STKLD1: variants seen among roughly 807,000 people sequenced by gnomAD.
The protein encoded by STKLD1 is serine/threonine kinase like domain containing 1.
A neutral mutation model predicts 80.4 loss-of-function variants in STKLD1; 79 were observed. That is an observed-to-expected ratio of 0.98 (90% CI 0.82 to 1.19). The LOEUF (loss-of-function observed/expected upper bound fraction) is 1.19, where lower values mean the gene tolerates loss of function less well. STKLD1 is among the 50% of genes most tolerant of loss of function. The pLI, the probability that STKLD1 is intolerant of heterozygous loss-of-function variation, is 0.00. For synonymous variants in STKLD1, 393 were observed against 357.6 expected, an observed-to-expected ratio of 1.10 and a Z score of -1.12; for missense variants, 841 against 856.0, an observed-to-expected ratio of 0.98 and a Z score of 0.22.
At chr9:133,402,752 C>T (rs587646394) in intron 13 of STKLD1, 126 bp from the exon 14 acceptor site, 108 of 1,079,050 alleles carry the variant, frequency 1.0e-4, no homozygotes, top group South Asian at 9.1e-4. Context: ...TGAGTGCACA[C>T]GACTTGGCCC....
Position 133,403,808 on chromosome 9 carries a change from T to C in STKLD1, c.1583T>C (p.Phe528Ser). 6.2e-7 allele frequency: 1 copy of C among 1,613,596 alleles called. No homozygotes were observed. The highest frequency in any genetic ancestry group is 1.3e-5 in the African/African-American group (1 of 75,060). ...GEMAEASCGV[F>S]WLLSLLGCIK... is the part of the protein sequence containing the mutation. The stretch of plus-strand genomic sequence containing the variant: ...ATGGCAGAAGCCAGCTGCGGAGTCT[T>C]CTGGCTGCTGTCCCTGCTGGGTGAG... The change falls in exon 15 of 18, where the codon TTC becomes TCC. Residue 528 changes from phenylalanine (F) to serine (S), a missense_variant. Transcript: ENST00000371957.
intron 11 of STKLD1, among the ~76,000 whole-genome samples, chr9:133,398,788 A>G (rs1270121723): frequency 6.6e-6 from 1 of 152,232 alleles, no homozygotes; most frequent in Non-Finnish European, 1.5e-5. Flanking sequence ...AACCAAACCC[A>G]AAAAGATTGT....
At chr9:133,383,243 GTGA>G (rs1327378843) in intron 2 of STKLD1, among the ~76,000 whole-genome samples, 1 of 139,238 alleles carries the variant, frequency 7.2e-6, no homozygotes, top group East Asian at 2.2e-4. Flanking sequence ...AGTGATGATG[GTGA>G]TGGTGGTGGT....
At position 133,384,305 on chromosome 9, in the gene STKLD1, G is replaced by T. The variant is rs2130272448; in HGVS notation, c.219+405G>T. 1.8e-4 allele frequency: 33 copies of T among 180,626 alleles called. No homozygotes were observed. Among genetic ancestry groups the T allele is most frequent in the Non-Finnish European group, 3.2e-4 (27 of 83,968 alleles). 11.2% of individuals were successfully genotyped at this position (180,626 alleles called of 1,614,324 possible). On this transcript the variant is annotated intron_variant, in intron 3 of 17. Transcript: ENST00000371957. This position sits in a 1 kb window ranked among gnomAD's most constrained non-coding sequence, Gnocchi z 4.3. ...AATACAAAAAAATTAGCTGGGCATG[G>T]TGGTGGGCACCTGTAATCCCAGCTA...
chr9:133,390,195 ACACACACACAC>A lies in STKLD1; in HGVS notation c.468-485_468-475del, dbSNP rs1481211870. 3.8e-3 allele frequency among the ~76,000 whole-genome samples: 1 copy of A among 260 alleles called. No individual in the cohort carries two copies. The highest frequency in any genetic ancestry group is 0.05 in the Admixed American group (1 of 20). The allele number at this position is 260 out of a possible 152,430, so 0.2% of individuals were successfully genotyped here. A position where few individuals can be genotyped will look rare whatever the true frequency, so the allele number is the denominator to read the frequency against. On this transcript the variant is annotated intron_variant, in intron 6 of 17. Coordinates refer to ENST00000371957, the MANE Select transcript of STKLD1 (RefSeq NM_153710.5). This position sits in a 1 kb window ranked among gnomAD's most constrained non-coding sequence, Gnocchi z 5.1. ...TCAGCCTGGGCAACCCTGACTTAAA[ACACACACACAC>A]ACACACACACACACACACACACACA... is the stretch of plus-strand genomic sequence containing the variant.
In STKLD1 at chr9:133,381,289, G is replaced by C. The variant is rs1295526616; in HGVS notation, c.174+2167G>C. Among the ~76,000 whole-genome samples the C allele has an allele frequency of 3.3e-5, 5 of 151,588 alleles. No individual in the cohort carries two copies. The East Asian group carries it at 9.7e-4, about 30-fold the overall frequency. On this transcript the variant is annotated intron_variant, in intron 2 of 17. Transcript: ENST00000371957. ...TGAGTGGCTGGGATTACAGGCACGT[G>C]CCACCACATCCAGCTAATTTTGTAT...
rs2130287437 is a variant in STKLD1, at chr9:133,390,800, G to A, written c.583+4G>A. On this transcript the variant is annotated splice_donor_region_variant and intron_variant, in intron 7 of 17. Coordinates refer to ENST00000371957, the MANE Select transcript of STKLD1 (RefSeq NM_153710.5). The surrounding 1 kb of genome is among the most constrained non-coding windows in gnomAD (Gnocchi z 5.1). ...TGGAATATTCGTGCGGAGGAAGGTG[G>A]CAGGGGCTCCCCCAGGTTGTGGGAG... is the stretch of plus-strand genomic sequence containing the variant. 3 of 1,611,070 alleles carry A rather than the reference G, an allele frequency of 1.9e-6. No homozygotes were observed. In the South Asian group the frequency reaches 3.3e-5, roughly 18 times the overall value.
Position 133,390,837 on chromosome 9 carries a change from G to A in STKLD1, c.583+41G>A, listed in dbSNP as rs2130287658. ...CCAGGTTGTGGGAGAGGGGGTTGGC[G>A]CCTAGAATCCAGGCGGCGTTGGCCA... On this transcript the variant is annotated intron_variant, in intron 7 of 17. Coordinates refer to ENST00000371957, the MANE Select transcript of STKLD1 (RefSeq NM_153710.5). The surrounding 1 kb of genome is among the most constrained non-coding windows in gnomAD (Gnocchi z 5.1). The A allele has an allele frequency of 4.5e-5, 70 of 1,545,656 alleles. No individual in the cohort carries two copies. Among genetic ancestry groups the A allele is most frequent in the Middle Eastern group, 1.7e-4 (1 of 5,956 alleles).
rs1015162070 is a variant in STKLD1 at position 133,390,856 on chromosome 9, T to A, written c.583+60T>A. On this transcript the variant is annotated intron_variant, in intron 7 of 17. Coordinates refer to ENST00000371957, the MANE Select transcript of STKLD1 (RefSeq NM_153710.5). The surrounding 1 kb of genome is among the most constrained non-coding windows in gnomAD (Gnocchi z 5.1). Reference sequence around the variant, plus strand: ...GTTGGCGCCTAGAATCCAGGCGGCGTTGGCCACTCTGGGTGCTGGAGTGAG... The same window carrying A: ...GTTGGCGCCTAGAATCCAGGCGGCGATGGCCACTCTGGGTGCTGGAGTGAG... 7.8e-5 allele frequency: 104 copies of A among 1,337,732 alleles called. No homozygotes were observed. The highest frequency in any genetic ancestry group is 1.1e-4 in the Non-Finnish European group (101 of 930,496). The allele number at this position is 1,337,732 out of a possible 1,614,324, so 82.9% of individuals were successfully genotyped here.
In STKLD1 at chr9:133,403,628, T is replaced by C. The variant is rs1838764879; in HGVS notation, c.1475-72T>C. 3.2e-6 allele frequency: 5 copies of C among 1,546,568 alleles called. No individual in the cohort carries two copies. The African/African-American group carries it at 4.1e-5, about 13-fold the overall frequency. ...TCGTTAGCTGGAGGAAGGCAGCAGA[T>C]GGGGGATGGGAAGGCCCCCCTGCAC... On this transcript the variant is annotated intron_variant, in intron 14 of 17. Coordinates refer to ENST00000371957, the MANE Select transcript of STKLD1 (RefSeq NM_153710.5).
intron 12 of STKLD1, 83 bp downstream of exon 12, chr9:133,400,612 C>A (rs888300603): frequency 1.7e-6 from 2 of 1,179,534 alleles, no homozygotes; most frequent in East Asian, 2.3e-5. Flanking sequence ...AAGGTGGGCA[C>A]CGGGCCGGGT....
chr9:133,389,342 C>G lies in STKLD1; in HGVS notation c.397-184C>G. 3 of 985,346 alleles carry G rather than the reference C, an allele frequency of 3.0e-6. No individual in the cohort carries two copies. The highest frequency in any genetic ancestry group is 3.6e-6 in the Non-Finnish European group (3 of 829,912). The allele number at this position is 985,346 out of a possible 1,614,324, so 61.0% of individuals were successfully genotyped here. ...AGAGTCCTTCTGGCTGCCGCCGCGG[C>G]TTTACCATCTGGAGAGCCACCACGC... On this transcript the variant is annotated intron_variant, in intron 5 of 17. Coordinates refer to ENST00000371957, the MANE Select transcript of STKLD1 (RefSeq NM_153710.5). The surrounding 1 kb of genome is among the most constrained non-coding windows in gnomAD (Gnocchi z 6.4).
intron 7 of STKLD1, among the ~76,000 whole-genome samples, chr9:133,392,472 T>A (rs1838422518): frequency 7.0e-6 from 1 of 143,508 alleles, no homozygotes; most frequent in Non-Finnish European, 1.5e-5. Flanking sequence ...GGATGATGGG[T>A]GGGTGAGTGG....
At position 133,399,201 on chromosome 9, in the gene STKLD1, A is replaced by G. The variant is rs111246971; in HGVS notation, c.1081+1146A>G. On this transcript the variant is annotated intron_variant, in intron 11 of 17. Transcript: ENST00000371957. ...AAACATGCTTTCATAAAATCTTTCC[A>G]TTCAACCTTTTTCACCTGCCTGAAC... Among the ~76,000 whole-genome samples, 7 of 152,270 alleles carry G rather than the reference A, an allele frequency of 4.6e-5. 1 individual carries two copies. Among genetic ancestry groups the G allele is most frequent in the African/African-American group, 1.4e-4 (6 of 41,564 alleles).
chr9:133,385,481 T>C lies in STKLD1; in HGVS notation c.220-136T>C. Reference sequence around the variant, plus strand: ...GCCTGGCTCCCAACCACCGTGCAGCTTCCCTGAGCCCACTCCCTGGCCCAG... The same window carrying C: ...GCCTGGCTCCCAACCACCGTGCAGCCTCCCTGAGCCCACTCCCTGGCCCAG... On this transcript the variant is annotated intron_variant, in intron 3 of 17. Coordinates refer to ENST00000371957, the MANE Select transcript of STKLD1 (RefSeq NM_153710.5). This position sits in a 1 kb window ranked among gnomAD's most constrained non-coding sequence, Gnocchi z 4.9. 1 of 803,170 alleles carries C rather than the reference T, an allele frequency of 1.2e-6. No individual in the cohort carries two copies. Among genetic ancestry groups the C allele is most frequent in the Non-Finnish European group, 2.0e-6 (1 of 494,776 alleles). The allele number at this position is 803,170 out of a possible 1,614,324, so 49.8% of individuals were successfully genotyped here. A position where few individuals can be genotyped will look rare whatever the true frequency, so the allele number is the denominator to read the frequency against.
At chr9:133,383,034 GTGA>G (rs1354798854) in intron 2 of STKLD1, among the ~76,000 whole-genome samples, 4 of 150,688 alleles carry the variant, frequency 2.7e-5, no homozygotes, top group African/African-American at 9.8e-5. Context: ...GATGAGGTTG[GTGA>G]TGATGGGGAT....
chr9:133,376,506 C>CA lies in STKLD1; in HGVS notation c.34dup (p.Thr12AsnfsTer53). 2 of 1,599,600 alleles carry CA rather than the reference C, an allele frequency of 1.3e-6. No homozygotes were observed. Among genetic ancestry groups the CA allele is most frequent in the Non-Finnish European group, 1.7e-6 (2 of 1,174,910 alleles). The stretch of plus-strand genomic sequence containing the variant: ...GGCCAGGGTCCAATCGCAGGCGCCC[C>CA]ACGCAGGGGGAGCGAGGCCCAGGGT... On this transcript the variant is annotated frameshift_variant, in exon 1 of 18. Coordinates refer to ENST00000371957, the MANE Select transcript of STKLD1 (RefSeq NM_153710.5). LOFTEE classifies it high-confidence loss of function.
Position 133,398,050 on chromosome 9 carries a change from A to C in STKLD1, c.1076A>C (p.Gln359Pro). Residue 359 changes from glutamine (Q) to proline (P), a missense_variant, in exon 11 of 18, where the codon CAG (glutamine) becomes CCG (proline). Gln to Pro is a moderately conservative substitution (Grantham distance 76, BLOSUM62 -1). Coordinates refer to ENST00000371957, the MANE Select transcript of STKLD1 (RefSeq NM_153710.5). Reference sequence around the variant, plus strand: ...AGGCTTCTGAAAATGCCTGCAGATCAGCTAGGTAGGCCCCACCCTGCACCC... The same window carrying C: ...AGGCTTCTGAAAATGCCTGCAGATCCGCTAGGTAGGCCCCACCCTGCACCC... ...MKRLLKMPAD[Q>P]LGLPWPPELV... is the part of the protein sequence containing the mutation. The C allele has an allele frequency of 6.2e-7, 1 of 1,613,332 alleles. No individual in the cohort carries two copies. The highest frequency in any genetic ancestry group is 8.5e-7 in the Non-Finnish European group (1 of 1,179,776).
intron 3 of STKLD1, 65 bp downstream of exon 3, chr9:133,383,965 A>G: frequency 2.0e-6 from 3 of 1,481,460 alleles, no homozygotes; most frequent in Non-Finnish European, 1.9e-6. Context: ...TGTGTTCTGT[A>G]CCTTCTTGTT....
Sources: allele counts gnomAD v4.1 joint callset (sites outside exome capture counted in the v4.1 genomes callset), GRCh38; gene constraint gnomAD v4.1.1; non-coding constraint Gnocchi (gnomAD v3.1); transcripts MANE v1.5; gene names NCBI Gene and HGNC (gene_info 2026-07-23, HGNC 2026-07-21).